Variants in CFAP74 observed in about 807,000 individuals in gnomAD.
CFAP74 encodes the protein cilia and flagella associated protein 74.
Under a neutral mutation model 188.9 loss-of-function variants are expected in CFAP74, and 124 were observed. The ratio of observed to expected loss-of-function variants is 0.66; its 90% confidence interval spans 0.57 to 0.76. The LOEUF is 0.76. Ranked by LOEUF, CFAP74 falls within the 30% of genes least tolerant of loss-of-function variation. CFAP74 has a pLI of 0.00. For missense variants in CFAP74, 2,198 were observed against 2,165.2 expected (o/e 1.02, Z -0.30); for synonymous variants, 956 against 916.7 (o/e 1.04, Z -0.77).
At chr1:1,969,634 C>T (rs926184365) in intron 10 of CFAP74, among the ~76,000 whole-genome samples, 21 of 152,340 alleles carry the variant, frequency 1.4e-4, no homozygotes, top group African/African-American at 2.2e-4. Context: ...CTGCACTTCC[C>T]GGGTGCCTCC....
At chr1:1,960,194 A>G in intron 14 of CFAP74, 164 bp from the exon 15 acceptor site, 1 of 627,872 alleles carries the variant, frequency 1.6e-6, no homozygotes. Flanking sequence ...GATCTGCTGC[A>G]TTCCCTGCTG....
chr1:1,925,413 C>T lies in CFAP74; in HGVS notation c.4104+370G>A, dbSNP rs1363305405. Among the ~76,000 whole-genome samples the T allele has an allele frequency of 5.3e-5, 8 of 151,952 alleles. No individual in the cohort carries two copies. In the East Asian group the frequency reaches 1.4e-3, roughly 26 times the overall value. ...GGGCAGTGCGGCTCACTGCAGAGGG[C>T]TGCAAACCCTTGCCCCCGGTGGCTG... On this transcript the variant is annotated intron_variant, in intron 33 of 38. Coordinates refer to ENST00000682832, the MANE Select transcript of CFAP74 (RefSeq NM_001304360.2).
rs1000832107 is a variant in CFAP74, at chr1:1,956,550, G to C, written c.2016+70C>G. 5.6e-5 allele frequency: 89 copies of C among 1,584,464 alleles called. 2 individuals carry two copies. The Admixed American group carries it at 1.3e-3, about 22-fold the overall frequency. Reference sequence around the variant, plus strand: ...TTGATACCCTCATGTTGTCACCTCTGTTCACCCACATGGGACTGGATTTGG... The same window carrying C: ...TTGATACCCTCATGTTGTCACCTCTCTTCACCCACATGGGACTGGATTTGG... On this transcript the variant is annotated intron_variant, in intron 17 of 38. Coordinates refer to ENST00000682832, the MANE Select transcript of CFAP74 (RefSeq NM_001304360.2).
At chr1:1,971,019 CAT>C (rs1655954334) in intron 9 of CFAP74, among the ~76,000 whole-genome samples, 1 of 149,980 alleles carries the variant, frequency 6.7e-6, no homozygotes, top group Non-Finnish European at 1.5e-5. Context: ...CACATGCACA[CAT>C]CACACATGCA....
chr1:1,968,539 G>C lies in CFAP74; in HGVS notation c.1245+96C>G. On this transcript the variant is annotated intron_variant, in intron 11 of 38. Coordinates refer to ENST00000682832, the MANE Select transcript of CFAP74 (RefSeq NM_001304360.2). The surrounding 1 kb of genome is among the most constrained non-coding windows in gnomAD (Gnocchi z 4.3). ...CCCCTGCAGGTGGCCATGGTGCTGA[G>C]GTCCTCAGAGGATGTCTCACCACAC... 1 of 1,063,826 alleles carries C rather than the reference G, an allele frequency of 9.4e-7. No individual in the cohort carries two copies. The highest frequency in any genetic ancestry group is 1.6e-5 in the African/African-American group (1 of 63,738). 65.9% of individuals were successfully genotyped at this position (1,063,826 alleles called of 1,614,324 possible).
At position 1,993,190 on chromosome 1, in the gene CFAP74, G is replaced by A. The variant is rs1384448026; in HGVS notation, c.-19-2215C>T. 1.6e-3 allele frequency among the ~76,000 whole-genome samples: 164 copies of A among 100,752 alleles called. 5 individuals carry two copies. The Admixed American group carries it at 0.019, about 11-fold the overall frequency. 66.1% of individuals were successfully genotyped at this position (100,752 alleles called of 152,430 possible). A position where few individuals can be genotyped will look rare whatever the true frequency, so the allele number is the denominator to read the frequency against. On this transcript the variant is annotated intron_variant, in intron 1 of 38. Transcript: ENST00000682832. Reference sequence around the variant, plus strand: ...CATTCTAGCCTGGGCGACAGGGGAAGACTGTCTCAAAAAAAAAAAAAAAAA... The same window carrying A: ...CATTCTAGCCTGGGCGACAGGGGAAAACTGTCTCAAAAAAAAAAAAAAAAA...
chr1:1,985,761 G>A (rs1467016644), intron 5 of CFAP74, among the ~76,000 whole-genome samples: 1 of 152,238 alleles, frequency 6.6e-6, no homozygotes, highest in Non-Finnish European at 1.5e-5. Flanking sequence ...AAGCCCCTGG[G>A]GGCAGCAGCC....
chr1:1,939,779 A>G lies in CFAP74; in HGVS notation c.2704-12T>C, dbSNP rs766166845. The G allele has an allele frequency of 1.3e-6, 2 of 1,530,298 alleles. No individual in the cohort carries two copies. Among genetic ancestry groups the G allele is most frequent in the Middle Eastern group, 1.7e-4 (1 of 5,966 alleles). 94.8% of individuals were successfully genotyped at this position (1,530,298 alleles called of 1,614,324 possible). Reference sequence around the variant, plus strand: ...CCCACTGGCTTGTTCTGAGACATAAAGGGCACAGGCGCCCTCGCAGCCACT... The same window carrying G: ...CCCACTGGCTTGTTCTGAGACATAAGGGGCACAGGCGCCCTCGCAGCCACT... On this transcript the variant is annotated splice_polypyrimidine_tract_variant and intron_variant, in intron 23 of 38. Coordinates refer to ENST00000682832, the MANE Select transcript of CFAP74 (RefSeq NM_001304360.2).
chr1:1,958,343 C>T (rs1022843237), intron 16 of CFAP74, among the ~76,000 whole-genome samples: 2 of 152,256 alleles, frequency 1.3e-5, no homozygotes, highest in African/African-American at 4.8e-5. Flanking sequence ...GTGAGACTTG[C>T]CTTGACCTGA....
At chr1:1,926,052 C>T (rs1651865350) in intron 32 of CFAP74, 114 bp from the exon 33 acceptor site, 1 of 1,398,268 alleles carries the variant, frequency 7.2e-7, no homozygotes, top group Non-Finnish European at 9.5e-7. Context: ...TCTGGGGGGG[C>T]TCTGTCAGCT....
intron 18 of CFAP74, chr1:1,955,385 C>T: frequency 7.2e-7 from 1 of 1,381,422 alleles, no homozygotes; most frequent in Non-Finnish European, 9.6e-7. Flanking sequence ...CCGGCCCCTC[C>T]AGGGGGCACC....
chr1:2,001,621 C>T (rs908950213), intron 1 of CFAP74, among the ~76,000 whole-genome samples: 16 of 152,194 alleles, frequency 1.1e-4, no homozygotes, highest in Admixed American at 6.5e-5. Context: ...CCACTGCACC[C>T]GGCCAAAATG....
At position 1,923,082 on chromosome 1, in the gene CFAP74, A is replaced by G. The variant is rs779903201; in HGVS notation, c.4586T>C (p.Leu1529Pro). The change falls in exon 37 of 39, where the codon CTG becomes CCG. Residue 1529 changes from leucine to proline, a missense_variant. Leu to Pro is a moderately conservative substitution (Grantham distance 98). Coordinates refer to ENST00000682832, the MANE Select transcript of CFAP74 (RefSeq NM_001304360.2). The surrounding 1 kb of genome is among the most constrained non-coding windows in gnomAD (Gnocchi z 6.3). The stretch of plus-strand genomic sequence containing the variant: ...GTCTGTGTCAAACTGGATGTAGTCC[A>G]GGGTCACCAGGATGGGCCTCAGCTC... ...AEELRPILVT[L>P]DYIQFDTDTP... The G allele has an allele frequency of 1.2e-6, 2 of 1,610,012 alleles. No homozygotes were observed. The highest frequency in any genetic ancestry group is 2.2e-5 in the East Asian group (1 of 44,862).
At position 1,946,451 on chromosome 1, in the gene CFAP74, G is replaced by C. The variant is rs368235985; in HGVS notation, c.2242-12C>G. The C allele has an allele frequency of 8.2e-5, 126 of 1,529,910 alleles. No individual in the cohort carries two copies. Among genetic ancestry groups the C allele is most frequent in the African/African-American group, 1.4e-5 (1 of 72,828 alleles). 94.8% of individuals were successfully genotyped at this position (1,529,910 alleles called of 1,614,324 possible). ...TCCCCTTCTGTTACCTGCACAGGAAGAGATGCCATGGGGTCTGCCAGGCTT... is the reference window on the plus strand; with the variant it reads ...TCCCCTTCTGTTACCTGCACAGGAACAGATGCCATGGGGTCTGCCAGGCTT... On this transcript the variant is annotated splice_polypyrimidine_tract_variant and intron_variant, in intron 19 of 38. Transcript: ENST00000682832.
Position 1,958,853 on chromosome 1 carries a change from C to T in CFAP74, c.1851+267G>A, listed in dbSNP as rs144005958. Among the ~76,000 whole-genome samples the T allele has an allele frequency of 7.5e-3, 1,148 of 152,286 alleles. 22 individuals are homozygous for T. The highest frequency in any genetic ancestry group is 0.026 in the African/African-American group (1,069 of 41,554). On this transcript the variant is annotated intron_variant, in intron 16 of 38. Coordinates refer to ENST00000682832, the MANE Select transcript of CFAP74 (RefSeq NM_001304360.2). ...ATGTTAAGTTTTCCTGAGCCACAGG[C>T]CCTGCAGTCTGGGCTCCACACAGAG...
chr1:1,927,230 C>T, intron 28 of CFAP74: 1 of 638,806 alleles, frequency 1.6e-6, no homozygotes, highest in Non-Finnish European at 2.7e-6. Flanking sequence ...TCCTCGTCAG[C>T]TGGTGGCTGG....
intron 1 of CFAP74, among the ~76,000 whole-genome samples, chr1:1,993,904 C>T (rs975835900): frequency 6.6e-6 from 1 of 150,898 alleles, no homozygotes; most frequent in Non-Finnish European, 1.5e-5. Flanking sequence ...ATGGCGTGAA[C>T]CCGGGAGGCG....
intron 15 of CFAP74, 88 bp from the exon 16 acceptor site, chr1:1,959,297 G>T: frequency 2.2e-6 from 2 of 908,624 alleles, no homozygotes; most frequent in Non-Finnish European, 3.5e-6. Context: ...GGCTCTGTTG[G>T]CCAGGCTGGG....
At chr1:1,993,896 G>A (rs539384013) in intron 1 of CFAP74, among the ~76,000 whole-genome samples, 9 of 150,914 alleles carry the variant, frequency 6.0e-5, no homozygotes, top group Admixed American at 5.3e-4. Flanking sequence ...GCAGGAGAAT[G>A]GCGTGAACCC....
Sources: gnomAD v4.1 joint callset for allele counts (sites outside exome capture counted in the v4.1 genomes callset) on GRCh38, gnomAD v4.1.1 for gene constraint, Gnocchi (gnomAD v3.1) non-coding constraint, MANE v1.5 for transcripts, NCBI Gene and HGNC (gene_info 2026-07-23, HGNC 2026-07-21) for gene names.